Variants in NSUN2 observed in about 807,000 individuals in gnomAD.
NSUN2 encodes the protein RNA cytosine C(5)-methyltransferase NSUN2.
A neutral mutation model predicts 92.7 loss-of-function variants in NSUN2; 63 were observed. The ratio of observed to expected loss-of-function variants is 0.68; its 90% CI spans 0.56 to 0.84. NSUN2 has a LOEUF of 0.84. Ranked by LOEUF, NSUN2 falls within the 40% of genes least tolerant of loss-of-function variation. NSUN2 has a pLI of 0.00. For missense variants in NSUN2, 989 were observed against 964.9 expected (o/e 1.02, Z -0.33); for synonymous variants, 356 against 348.3 (o/e 1.02, Z -0.25).
intron 3 of NSUN2, among the ~76,000 whole-genome samples, chr5:6,631,134 C>G (rs1737870734): frequency 6.6e-6 from 1 of 152,180 alleles, no homozygotes; most frequent in South Asian, 2.1e-4. Flanking sequence ...CTTAATTCAC[C>G]TTTTCGTGCA....
In NSUN2 at chr5:6,611,774, G is replaced by A. The variant is rs200175285; in HGVS notation, c.1046C>T (p.Ser349Phe). The A allele has an allele frequency of 4.4e-5, 71 of 1,614,148 alleles. No homozygotes were observed. In the East Asian group the frequency reaches 1.2e-3, roughly 27 times the overall value. The stretch of plus-strand genomic sequence containing the variant: ...CCACTTCAGCCCTGGCAGTTCATTA[G>A]ACACATCAGCAAGCTCCAAAGCACC... The part of the protein sequence containing the change: ...SEGALELADV[S>F]NELPGLKWMP... The change falls in exon 10 of 19, where the codon TCT (serine) becomes TTT (phenylalanine). Residue 349 changes from serine (S) to phenylalanine (F), a missense_variant. Ser to Phe is a radical substitution (Grantham distance 155, BLOSUM62 -2). Coordinates refer to ENST00000264670, the MANE Select transcript of NSUN2 (RefSeq NM_017755.6).
intron 17 of NSUN2, among the ~76,000 whole-genome samples, chr5:6,603,466 C>A (rs1211035036): frequency 6.6e-6 from 1 of 152,158 alleles, no homozygotes; most frequent in Non-Finnish European, 1.5e-5. Context: ...CTGAGACAGG[C>A]AGATCACAAG....
chr5:6,602,834 A>G lies in NSUN2; in HGVS notation c.1958-334T>C, dbSNP rs150651287. Among the ~76,000 whole-genome samples, 128 of 152,384 alleles carry G rather than the reference A, an allele frequency of 8.4e-4. 1 individual carries two copies. The highest frequency in any genetic ancestry group is 3.0e-3 in the African/African-American group (125 of 41,602). On this transcript the variant is annotated intron_variant, in intron 17 of 18. Coordinates refer to ENST00000264670, the MANE Select transcript of NSUN2 (RefSeq NM_017755.6). ...TTCAAAATTCAAAATTAAATAAACTATAACACCAACTCCCAGAATGGCATG... is the reference window on the plus strand; with the variant it reads ...TTCAAAATTCAAAATTAAATAAACTGTAACACCAACTCCCAGAATGGCATG...
chr5:6,621,205 G>T (rs1341886258), intron 6 of NSUN2: 1 of 152,130 alleles, frequency 6.6e-6, no homozygotes, highest in African/African-American at 2.4e-5. Flanking sequence ...TGAGCACCTC[G>T]CAAGCTACAT....
Position 6,623,585 on chromosome 5 carries a change from G to C in NSUN2, c.466-300C>G, listed in dbSNP as rs139101022. On this transcript the variant is annotated intron_variant, in intron 4 of 18. Transcript: ENST00000264670. The stretch of plus-strand genomic sequence containing the variant: ...ATAGCAGTAGAGCACAGAAGCTAGA[G>C]GGGCAGCTCTCAAAGACAGAAATGC... 9.4e-3 allele frequency among the ~76,000 whole-genome samples: 1,437 copies of C among 152,298 alleles called. 19 individuals are homozygous for C. Among genetic ancestry groups the C allele is most frequent in the African/African-American group, 0.033 (1,355 of 41,562 alleles).
rs1737278949 is a variant in NSUN2, at chr5:6,617,961, C to T, written c.879G>A (p.Leu293=). 2 of 1,613,094 alleles carry T rather than the reference C, an allele frequency of 1.2e-6. No individual in the cohort carries two copies. The highest frequency in any genetic ancestry group is 1.7e-6 in the Non-Finnish European group (2 of 1,179,192). Residue 293 remains leucine (L), a synonymous_variant, in exon 8 of 19, where the codon TTG becomes TTA. Transcript: ENST00000264670. ...GAAGTTTTACTTACCCATGTAGCTG[C>T]AAGCTATTTAAGGTGGTCCACTTTT... ...VWKKWTTLNS[L]QLHGLQLRIA... is the part of the protein sequence containing the mutation.
chr5:6,606,672 T>C lies in NSUN2; in HGVS notation c.1601+148A>G, dbSNP rs1219437172. ...TTGAGTAACCTCTAAAGTTTCATCC[T>C]GCTCTAATATGCAGTTAAAAAGGTT... is the stretch of plus-strand genomic sequence containing the variant. On this transcript the variant is annotated intron_variant, in intron 14 of 18. Transcript: ENST00000264670. The C allele has an allele frequency of 6.4e-6, 3 of 471,102 alleles. No individual in the cohort carries two copies. In the African/African-American group the frequency reaches 6.5e-5, roughly 10 times the overall value. 29.2% of individuals were successfully genotyped at this position (471,102 alleles called of 1,614,324 possible). A position where few individuals can be genotyped will look rare whatever the true frequency, so the allele number is the denominator to read the frequency against.
chr5:6,603,801 G>A (rs931071470), intron 17 of NSUN2: 1 of 221,162 alleles, frequency 4.5e-6, no homozygotes, highest in Non-Finnish European at 8.8e-6. Flanking sequence ...AGGCTTGCCA[G>A]GGCTGCTCAC....
intron 9 of NSUN2, among the ~76,000 whole-genome samples, chr5:6,616,507 T>C (rs1737216938): frequency 6.6e-6 from 1 of 152,016 alleles, no homozygotes; most frequent in Non-Finnish European, 1.5e-5. Context: ...AAGAGAGAGA[T>C]GGGAGCTACT....
At chr5:6,600,708 ACT>A (rs1457717347) in intron 18 of NSUN2, among the ~76,000 whole-genome samples, 2 of 151,456 alleles carry the variant, frequency 1.3e-5, no homozygotes, top group Non-Finnish European at 2.9e-5. Context: ...CCACCGGGAG[ACT>A]CTGCCCTTAG....
intron 6 of NSUN2, chr5:6,621,302 T>C (rs1737425906): frequency 6.6e-6 from 1 of 152,132 alleles, no homozygotes; most frequent in South Asian, 2.1e-4. Flanking sequence ...TGATGGTAGC[T>C]TTTAACTACA....
In NSUN2 at chr5:6,632,573, CA is replaced by C; in HGVS notation, c.254+25del. The C allele has an allele frequency of 1.2e-6, 2 of 1,611,264 alleles. 1 individual carries two copies. The highest frequency in any genetic ancestry group is 4.5e-5 in the East Asian group (2 of 44,818). ...CCTCCAGCATCCTGGCCCCAACTCC[CA>C]AAAAATCAGGCACTGCCTCCCTACC... On this transcript the variant is annotated intron_variant, in intron 2 of 18. Transcript: ENST00000264670.
chr5:6,605,001 G>A (rs1039121248), intron 15 of NSUN2: 17 of 587,878 alleles, frequency 2.9e-5, no homozygotes, highest in Middle Eastern at 9.1e-4. Flanking sequence ...TGCCCAGGAG[G>A]GCGAGCTGTG....
In NSUN2 at chr5:6,599,977, A is replaced by G; in HGVS notation, c.2253T>C (p.Ser751=). 6 of 1,614,122 alleles carry G rather than the reference A, an allele frequency of 3.7e-6. No homozygotes were observed. The highest frequency in any genetic ancestry group is 2.2e-5 in the East Asian group (1 of 44,880). ...GGTCACAGCCTGCTGTCACGTCTGGACTGTTGGCCTCTTCTGCATCTGGGC... is the reference window on the plus strand; with the variant it reads ...GGTCACAGCCTGCTGTCACGTCTGGGCTGTTGGCCTCTTCTGCATCTGGGC... The part of the protein sequence containing the change: ...PNSPDAEEAN[S]PDVTAGCDPA... Residue 751 remains serine (S), a synonymous_variant, in exon 19 of 19, where the codon AGT becomes AGC. Transcript: ENST00000264670.
At chr5:6,608,554 C>T (rs1026922771) in intron 12 of NSUN2, among the ~76,000 whole-genome samples, 2 of 152,196 alleles carry the variant, frequency 1.3e-5, no homozygotes, top group Non-Finnish European at 2.9e-5. Context: ...GAGAAGTATT[C>T]ATATTATTTA....
chr5:6,630,585 G>C (rs1737839199), intron 3 of NSUN2, among the ~76,000 whole-genome samples: 1 of 152,176 alleles, frequency 6.6e-6, no homozygotes, highest in African/African-American at 2.4e-5. Context: ...GTTGAATACT[G>C]ACTTAATGTT....
chr5:6,620,006 T>G (rs1453213378), intron 7 of NSUN2, 100 bp downstream of exon 7: 3 of 1,034,130 alleles, frequency 2.9e-6, no homozygotes, highest in Non-Finnish European at 4.2e-6. Context: ...CCCCAAGACT[T>G]ATGTACAATT....
At position 6,632,681 on chromosome 5, in the gene NSUN2, C is replaced by T; in HGVS notation, c.172G>A (p.Val58Met). 1 of 1,614,164 alleles carries T rather than the reference C, an allele frequency of 6.2e-7. No individual in the cohort carries two copies. Among genetic ancestry groups the T allele is most frequent in the Non-Finnish European group, 8.5e-7 (1 of 1,180,026 alleles). The change falls in exon 2 of 19, where the codon GTG becomes ATG. Residue 58 changes from valine to methionine, a missense_variant. Val to Met is a conservative substitution (Grantham distance 21). Around this residue, in one of 3 missense-constraint regions of NSUN2, gnomAD observed 356 missense variants for 338.6 expected, o/e 1.05. Transcript: ENST00000264670. The stretch of plus-strand genomic sequence containing the variant: ...AACTGGCCCCACTCGCCCTCGGGCA[C>T]GATCTTGAGCTCCTGGTAGTAGTGC... ...FEHYYQELKI[V>M]PEGEWGQFMD...
chr5:6,618,578 T>A (rs1579370760), intron 7 of NSUN2, among the ~76,000 whole-genome samples: 1 of 152,358 alleles, frequency 6.6e-6, no homozygotes, highest in African/African-American at 2.4e-5. Context: ...AATGGCATTT[T>A]AATCAGAATT....
Sources: gnomAD v4.1 joint callset for allele counts (sites outside exome capture counted in the v4.1 genomes callset) on GRCh38, gnomAD v4.1.1 for gene constraint, gnomAD v4.1.1 regional missense constraint, MANE v1.5 for transcripts, NCBI Gene and HGNC (gene_info 2026-07-23, HGNC 2026-07-21) for gene names.